The following CYP7B1 variants were observed in gnomAD, a reference collection of about 807,000 sequenced individuals.
CYP7B1 encodes cytochrome P450 7B1.
CYP7B1 carries 29 observed loss-of-function variants against 42.7 expected under a neutral mutation model. The observed-to-expected ratio is 0.68, with a 90% CI of 0.51 to 0.93. The LOEUF is 0.93. Ranked by LOEUF, CYP7B1 falls within the 40% of genes least tolerant of loss-of-function variation. The pLI is 0.00. For missense variants in CYP7B1, 655 were observed against 600.5 expected (o/e 1.09, Z -0.95); for synonymous variants, 235 against 218.2 (o/e 1.08, Z -0.68).
intron 4 of CYP7B1, among the ~76,000 whole-genome samples, chr8:64,606,469 G>A (rs1805284344): frequency 6.6e-6 from 1 of 152,190 alleles, no homozygotes; most frequent in African/African-American, 2.4e-5. Flanking sequence ...AGTCCAGTAG[G>A]GGTGTGGGAA....
intron 1 of CYP7B1, among the ~76,000 whole-genome samples, chr8:64,633,964 T>A (rs1423609403): frequency 2.0e-5 from 3 of 152,170 alleles, no homozygotes; most frequent in Non-Finnish European, 2.9e-5. Flanking sequence ...TATAGACAAC[T>A]GATTTTTACA....
At chr8:64,731,937 G>A (rs1407604171) in intron 1 of CYP7B1, among the ~76,000 whole-genome samples, 2 of 152,188 alleles carry the variant, frequency 1.3e-5, no homozygotes, top group African/African-American at 4.8e-5. Flanking sequence ...ACTGAGGTTG[G>A]GGAACCTCCA....
chr8:64,651,174 T>A (rs1183645631), intron 1 of CYP7B1, among the ~76,000 whole-genome samples: 1 of 152,202 alleles, frequency 6.6e-6, no homozygotes, highest in Non-Finnish European at 1.5e-5. Context: ...CTGAGATGGT[T>A]TCTCTCTTCT....
At chr8:64,656,947 G>A (rs1395470306) in intron 1 of CYP7B1, among the ~76,000 whole-genome samples, 5 of 152,068 alleles carry the variant, frequency 3.3e-5, no homozygotes, top group Non-Finnish European at 5.9e-5. Context: ...TGGTGGCCTA[G>A]GAAGCATCTC....
At chr8:64,781,296 A>G (rs1160841065) in intron 1 of CYP7B1, among the ~76,000 whole-genome samples, 2 of 152,134 alleles carry the variant, frequency 1.3e-5, no homozygotes, top group Non-Finnish European at 2.9e-5. Flanking sequence ...GAACATGGGG[A>G]ATATGGCCAT....
chr8:64,720,246 G>A (rs1803869426), intron 1 of CYP7B1, among the ~76,000 whole-genome samples: 1 of 152,138 alleles, frequency 6.6e-6, no homozygotes, highest in Admixed American at 6.6e-5. Context: ...AGACGATGTC[G>A]AAGATGGTTG....
chr8:64,748,234 TG>T (rs1807675276), intron 1 of CYP7B1, among the ~76,000 whole-genome samples: 1 of 152,144 alleles, frequency 6.6e-6, no homozygotes, highest in Non-Finnish European at 1.5e-5. Context: ...AAGCAGAAGG[TG>T]GAGCTCTTCA....
chr8:64,622,841 C>A (rs9298086), intron 2 of CYP7B1, among the ~76,000 whole-genome samples: 75,643 of 151,936 alleles, frequency 0.5, 20,202 homozygotes, highest in Non-Finnish European at 0.58. Context: ...CATTGAGAAA[C>A]GTAGGTACAT....
At chr8:64,737,227 C>T (rs559002894) in intron 1 of CYP7B1, among the ~76,000 whole-genome samples, 31 of 152,258 alleles carry the variant, frequency 2.0e-4, no homozygotes, top group Admixed American at 9.1e-4. Context: ...CTCAGCCTCC[C>T]GAGTAATTGG....
chr8:64,782,435 G>A (rs1011076921), intron 1 of CYP7B1, among the ~76,000 whole-genome samples: 3 of 152,088 alleles, frequency 2.0e-5, no homozygotes, highest in Non-Finnish European at 2.9e-5. Flanking sequence ...TATGAGGAAT[G>A]GGCCTTCATC....
In CYP7B1 at chr8:64,591,228, G is replaced by C. The variant is rs2129629592; in HGVS notation, c.*5414C>G. Among the ~76,000 whole-genome samples, 1 of 152,142 alleles carries C rather than the reference G, an allele frequency of 6.6e-6. No individual in the cohort carries two copies. The highest frequency in any genetic ancestry group is 2.1e-4 in the South Asian group (1 of 4,816). On this transcript the variant is annotated 3_prime_UTR_variant, in exon 6 of 6. Transcript: ENST00000310193. The stretch of plus-strand genomic sequence containing the variant: ...GATTTAGATAAACAAATGAAGTAGA[G>C]TAATAATTACTTTAGATAAATACTA...
intron 1 of CYP7B1, among the ~76,000 whole-genome samples, chr8:64,784,647 C>A (rs1253919321): frequency 6.6e-6 from 1 of 152,120 alleles, no homozygotes; most frequent in Non-Finnish European, 1.5e-5. Flanking sequence ...AGCCTAGATT[C>A]AAATCCAGGA....
intron 1 of CYP7B1, among the ~76,000 whole-genome samples, chr8:64,624,747 T>A (rs779883055): frequency 1.9e-4 from 29 of 151,982 alleles, no homozygotes; most frequent in Non-Finnish European, 3.7e-4. Flanking sequence ...TAACTTCTGG[T>A]GAGCAACTTT....
At chr8:64,622,924 C>A (rs1805552945) in intron 2 of CYP7B1, among the ~76,000 whole-genome samples, 1 of 152,082 alleles carries the variant, frequency 6.6e-6, no homozygotes, top group Admixed American at 6.6e-5. Flanking sequence ...GGAGAGTGAA[C>A]TGTGTTACCA....
chr8:64,589,840 G>T (rs1244868441), downstream of CYP7B1: 2 of 152,116 alleles, frequency 1.3e-5, no homozygotes, highest in African/African-American at 4.8e-5. Flanking sequence ...TGTGAGCACA[G>T]TTTGCTGTAA....
At chr8:64,607,986 T>A (rs1805308981) in intron 4 of CYP7B1, among the ~76,000 whole-genome samples, 1 of 152,228 alleles carries the variant, frequency 6.6e-6, no homozygotes, top group South Asian at 2.1e-4. Flanking sequence ...TGTTAAGAAC[T>A]GAGCTTTACT....
chr8:64,754,836 AGAGAGCT>A (rs1807783566), intron 1 of CYP7B1, among the ~76,000 whole-genome samples: 1 of 152,220 alleles, frequency 6.6e-6, no homozygotes, highest in South Asian at 2.1e-4. Flanking sequence ...AAAGGAAAGC[AGAGAGCT>A]GAGGATTGAG....
chr8:64,780,033 C>A (rs1405332125), intron 1 of CYP7B1, among the ~76,000 whole-genome samples: 6 of 152,084 alleles, frequency 3.9e-5, no homozygotes, highest in Non-Finnish European at 8.8e-5. Flanking sequence ...TTACTGTGTG[C>A]AGTTAGGTTT....
downstream of CYP7B1, among the ~76,000 whole-genome samples, chr8:64,588,044 G>C (rs1804991835): frequency 6.6e-6 from 1 of 152,176 alleles, no homozygotes; most frequent in Non-Finnish European, 1.5e-5. Flanking sequence ...ACCTGATTCA[G>C]AGATGCAATA....
Sources: gnomAD v4.1 joint callset for allele counts (sites outside exome capture counted in the v4.1 genomes callset) on GRCh38, gnomAD v4.1.1 for gene constraint, MANE v1.5 for transcripts, NCBI Gene and HGNC (gene_info 2026-07-23, HGNC 2026-07-21) for gene names.